The following ANO1 variants were observed in gnomAD, a reference collection of about 807,000 sequenced individuals.
ANO1 encodes anoctamin-1.
ANO1 carries 59 observed loss-of-function variants against 124.0 expected under a neutral mutation model. That is an observed-to-expected ratio of 0.48 (90% CI 0.39 to 0.59). The LOEUF (loss-of-function observed/expected upper bound fraction) is 0.59, where lower values mean the gene tolerates loss of function less well. Among genes scored for constraint, ANO1 ranks in the 20% least tolerant of loss-of-function variants. The pLI is 0.00. For synonymous variants in ANO1, 529 were observed against 532.0 expected, an observed-to-expected ratio of 0.99 and a Z score of 0.08; for missense variants, 1,059 against 1,328.0, an observed-to-expected ratio of 0.80 and a Z score of 3.15.
chr11:70,006,663 C>CTTTCTTTTTTTTTTTTTTTTTTTT (rs1856495151), intron 1 of ANO1, among the ~76,000 whole-genome samples: 1 of 88,996 alleles, frequency 1.1e-5, no homozygotes, highest in Non-Finnish European at 2.1e-5. Flanking sequence ...TTTCTTCTTT[C>CTTTCTTTTTTTTTTTTTTTTTTTT]TTTTTTTTTT....
intron 1 of ANO1, among the ~76,000 whole-genome samples, chr11:69,988,635 A>G (rs1856093461): frequency 6.6e-6 from 1 of 152,148 alleles, no homozygotes; most frequent in African/African-American, 2.4e-5. Flanking sequence ...CCAGGGAGCA[A>G]TTGATTGGTA....
chr11:70,118,266 A>G (rs2046076479), intron 8 of ANO1, among the ~76,000 whole-genome samples: 1 of 149,194 alleles, frequency 6.7e-6, no homozygotes, highest in South Asian at 2.1e-4. Flanking sequence ...TGCTTGGCTG[A>G]TGGTCACGTC....
intron 17 of ANO1, 109 bp from the exon 18 acceptor site, chr11:70,161,513 C>T: frequency 7.2e-7 from 1 of 1,396,342 alleles, no homozygotes; most frequent in African/African-American, 1.4e-5. Flanking sequence ...CCATGGTGCG[C>T]CTATGAGAGC....
intron 5 of ANO1, among the ~76,000 whole-genome samples, 178 bp downstream of exon 5, chr11:70,105,966 C>A (rs1052584444): frequency 1.3e-5 from 2 of 151,984 alleles, no homozygotes; most frequent in African/African-American, 4.8e-5. Flanking sequence ...TGGTCGTGCC[C>A]CAGGCAGGGG....
chr11:70,111,484 G>A (rs892719523), intron 6 of ANO1, among the ~76,000 whole-genome samples: 2 of 152,132 alleles, frequency 1.3e-5, no homozygotes, highest in Non-Finnish European at 2.9e-5. Context: ...TCTGCCAATC[G>A]AGCATGTGTT....
At chr11:70,113,950 G>A (rs971166128) in intron 7 of ANO1, among the ~76,000 whole-genome samples, 64 of 152,218 alleles carry the variant, frequency 4.2e-4, no homozygotes, top group African/African-American at 1.4e-3. Flanking sequence ...ACCTCATCCC[G>A]TCATGGAGGC....
At chr11:70,169,788 AC>A (rs1181720295) in intron 21 of ANO1, among the ~76,000 whole-genome samples, 3 of 151,866 alleles carry the variant, frequency 2.0e-5, no homozygotes, top group Non-Finnish European at 2.9e-5. Flanking sequence ...CACTCAGGGC[AC>A]CCCGCACGGC....
At chr11:69,981,326 C>T (rs1278918354), upstream of ANO1, among the ~76,000 whole-genome samples, 1 of 152,196 alleles carries the variant, frequency 6.6e-6, no homozygotes, top group Non-Finnish European at 1.5e-5. Context: ...CCTCTGATTC[C>T]TTATCTGTAA....
At chr11:70,078,006 G>C (rs921722693), upstream of ANO1, among the ~76,000 whole-genome samples, 1 of 129,438 alleles carries the variant, frequency 7.7e-6, no homozygotes, top group African/African-American at 2.8e-5. Flanking sequence ...CAGAGATCCA[G>C]ACTCCAATCT....
chr11:70,011,702 A>G (rs1591032887), intron 1 of ANO1, among the ~76,000 whole-genome samples: 1 of 152,240 alleles, frequency 6.6e-6, no homozygotes, highest in Non-Finnish European at 1.5e-5. Context: ...TATTTGCCTC[A>G]TCGATGAAAG....
intron 2 of ANO1, among the ~76,000 whole-genome samples, chr11:70,090,087 T>A (rs1424094791): frequency 6.6e-6 from 1 of 152,224 alleles, no homozygotes; most frequent in Non-Finnish European, 1.5e-5. Flanking sequence ...AGTGGCACAA[T>A]CTCGGCTCAC....
At chr11:70,027,432 T>A (rs190916998) in intron 1 of ANO1, among the ~76,000 whole-genome samples, 22 of 152,346 alleles carry the variant, frequency 1.4e-4, no homozygotes, top group African/African-American at 5.3e-4. Flanking sequence ...GAGGTACAGT[T>A]TCTACTGAAG....
intron 22 of ANO1, among the ~76,000 whole-genome samples, chr11:70,179,413 G>A (rs937325034): frequency 6.6e-6 from 1 of 152,218 alleles, no homozygotes; most frequent in Non-Finnish European, 1.5e-5. Flanking sequence ...GAAGACGAAT[G>A]GAGAGACCAG....
At chr11:70,065,786 C>T (rs1368432804) in intron 1 of ANO1, among the ~76,000 whole-genome samples, 1 of 152,202 alleles carries the variant, frequency 6.6e-6, no homozygotes, top group Non-Finnish European at 1.5e-5. Flanking sequence ...CTGGCTGTGC[C>T]GCTGCCTGCA....
At chr11:70,011,699 C>T (rs575103537) in intron 1 of ANO1, among the ~76,000 whole-genome samples, 1 of 152,304 alleles carries the variant, frequency 6.6e-6, no homozygotes, top group South Asian at 2.1e-4. Flanking sequence ...CACTATTTGC[C>T]TCATCGATGA....
chr11:69,966,594 G>A, the ANO1 span, among the ~76,000 whole-genome samples: 1 of 152,212 alleles, frequency 6.6e-6, no homozygotes, highest in South Asian at 2.1e-4. Context: ...GGAGGAAAGA[G>A]CGATGGAAGA....
chr11:70,083,539 A>T (rs150535986), intron 1 of ANO1, among the ~76,000 whole-genome samples: 4 of 152,248 alleles, frequency 2.6e-5, no homozygotes, highest in Non-Finnish European at 4.4e-5. Flanking sequence ...CCCCCAGTGG[A>T]CAGATGATGG....
the ANO1 span, among the ~76,000 whole-genome samples, chr11:69,969,990 G>A: frequency 6.6e-6 from 1 of 152,170 alleles, no homozygotes; most frequent in African/African-American, 2.4e-5. Flanking sequence ...CCTGGATGCA[G>A]GAGCATGGCC....
the ANO1 span, among the ~76,000 whole-genome samples, chr11:69,968,353 G>A: frequency 2.0e-5 from 3 of 152,176 alleles, no homozygotes; most frequent in Non-Finnish European, 4.4e-5. Flanking sequence ...TGCCTCTGGG[G>A]CCCTCTGGCC....
Sources: allele counts gnomAD v4.1 joint callset (sites outside exome capture counted in the v4.1 genomes callset), GRCh38; gene constraint gnomAD v4.1.1; transcripts MANE v1.5; gene names NCBI Gene and HGNC (gene_info 2026-07-23, HGNC 2026-07-21).